Variants in ASB15 observed in about 807,000 individuals in gnomAD.
ASB15 encodes ankyrin repeat and SOCS box protein 15.
Under a neutral mutation model 58.0 loss-of-function variants are expected in ASB15, and 54 were observed. The ratio of observed to expected loss-of-function variants is 0.93; its 90% confidence interval spans 0.75 to 1.17. The LOEUF is 1.17. Ranked by LOEUF, ASB15 falls within the 50% of genes most tolerant of loss-of-function variation. The pLI is 0.00. For synonymous variants in ASB15, 249 were observed against 262.4 expected (o/e 0.95, Z 0.50); for missense variants, 680 against 707.4 (o/e 0.96, Z 0.44).
chr7:123,617,834 T>A (rs1800927879), intron 7 of ASB15, 97 bp downstream of exon 7: 2 of 1,216,582 alleles, frequency 1.6e-6, no homozygotes, highest in Non-Finnish European at 2.3e-6. Context: ...TGATCTCAGT[T>A]CCTTCCATTC....
chr7:123,623,400 A>T (rs1403866705), intron 7 of ASB15, among the ~76,000 whole-genome samples: 4 of 152,202 alleles, frequency 2.6e-5, no homozygotes, highest in African/African-American at 9.7e-5. Context: ...AAAAGGGGAA[A>T]ACCTTGTAAC....
upstream of ASB15, among the ~76,000 whole-genome samples, chr7:123,597,742 A>T (rs1474150478): frequency 3.9e-5 from 6 of 152,128 alleles, no homozygotes; most frequent in African/African-American, 1.4e-4. Flanking sequence ...GAGGCAGGAG[A>T]ATTGCTTGTA....
At chr7:123,621,003 T>C (rs1801287493) in intron 7 of ASB15, among the ~76,000 whole-genome samples, 1 of 152,122 alleles carries the variant, frequency 6.6e-6, no homozygotes, top group Admixed American at 6.6e-5. Flanking sequence ...ACTTTGCAAA[T>C]ACAGAATTAT....
chr7:123,585,650 TG>T (rs1799356412), intron 1 of ASB15, among the ~76,000 whole-genome samples: 1 of 151,704 alleles, frequency 6.6e-6, no homozygotes, highest in Non-Finnish European at 1.5e-5. Context: ...TGTGTGTGTG[TG>T]TGTGTGTGTG....
intron 9 of ASB15, among the ~76,000 whole-genome samples, chr7:123,628,561 T>C (rs1213754065): frequency 6.6e-6 from 1 of 152,226 alleles, no homozygotes; most frequent in African/African-American, 2.4e-5. Flanking sequence ...AAATATTATA[T>C]TGTTCAGAGG....
At chr7:123,592,698 C>T (rs913084721) in intron 1 of ASB15, among the ~76,000 whole-genome samples, 3 of 152,152 alleles carry the variant, frequency 2.0e-5, no homozygotes, top group African/African-American at 7.2e-5. Flanking sequence ...GAGTGTTTTA[C>T]TTCCAATTTT....
At chr7:123,606,055 A>G (rs901223239) in intron 2 of ASB15, among the ~76,000 whole-genome samples, 5 of 152,218 alleles carry the variant, frequency 3.3e-5, no homozygotes, top group Non-Finnish European at 7.3e-5. Flanking sequence ...TACTATAGGT[A>G]ATCAATGTAG....
chr7:123,636,721 C>T, intron 11 of ASB15, 88 bp from the exon 12 acceptor site: 2 of 1,111,680 alleles, frequency 1.8e-6, no homozygotes, highest in East Asian at 2.4e-5. Flanking sequence ...TGAGAATACA[C>T]TACTCATGTT....
chr7:123,578,967 T>C (rs960428995), intron 1 of ASB15, among the ~76,000 whole-genome samples: 4 of 152,100 alleles, frequency 2.6e-5, no homozygotes, highest in Admixed American at 1.3e-4. Context: ...ATGGATATTG[T>C]ATAATGCTGG....
intron 11 of ASB15, among the ~76,000 whole-genome samples, chr7:123,634,788 T>A (rs929273281): frequency 6.6e-6 from 1 of 152,186 alleles, no homozygotes; most frequent in Non-Finnish European, 1.5e-5. Context: ...CTCCGATAAA[T>A]TAATGGATGT....
chr7:123,615,982 C>A (rs764795683), intron 4 of ASB15, among the ~76,000 whole-genome samples: 3 of 152,006 alleles, frequency 2.0e-5, no homozygotes, highest in Admixed American at 6.6e-5. Flanking sequence ...TCAGAGATAG[C>A]ATTGTAATCT....
intron 2 of ASB15, among the ~76,000 whole-genome samples, chr7:123,606,256 G>A (rs945899032): frequency 6.6e-6 from 1 of 152,116 alleles, no homozygotes; most frequent in Non-Finnish European, 1.5e-5. Context: ...TCAGATAAAT[G>A]AATTGCTCTT....
chr7:123,585,951 A>G (rs909415532), intron 1 of ASB15, among the ~76,000 whole-genome samples: 4 of 151,686 alleles, frequency 2.6e-5, no homozygotes, highest in Non-Finnish European at 4.4e-5. Context: ...ATAAATATAT[A>G]TTACATTTTC....
intron 1 of ASB15, among the ~76,000 whole-genome samples, chr7:123,591,946 G>T (rs1266492513): frequency 1.3e-5 from 2 of 151,996 alleles, no homozygotes; most frequent in Non-Finnish European, 2.9e-5. Flanking sequence ...TTTTTTGTTG[G>T]TAGGCTATTA....
intron 2 of ASB15, among the ~76,000 whole-genome samples, chr7:123,604,636 T>A (rs1484680940): frequency 1.3e-5 from 2 of 151,622 alleles, no homozygotes; most frequent in African/African-American, 4.8e-5. Context: ...GATAGCAAAC[T>A]CCCTGACACT....
At chr7:123,573,132 T>C (rs937489463) in intron 1 of ASB15, among the ~76,000 whole-genome samples, 1 of 152,130 alleles carries the variant, frequency 6.6e-6, no homozygotes, top group Non-Finnish European at 1.5e-5. Context: ...TTTTCTATTA[T>C]TGTCTATGAT....
At chr7:123,582,673 A>G (rs1584731815) in intron 1 of ASB15, among the ~76,000 whole-genome samples, 1 of 151,754 alleles carries the variant, frequency 6.6e-6, no homozygotes, top group Admixed American at 6.6e-5. Context: ...ACTCCTTCTT[A>G]TCCTTCAAGT....
At chr7:123,588,972 CT>C (rs1799453551) in intron 1 of ASB15, among the ~76,000 whole-genome samples, 1 of 151,498 alleles carries the variant, frequency 6.6e-6, no homozygotes, top group Non-Finnish European at 1.5e-5. Context: ...CTTAAGATTT[CT>C]TTAGGGCCTA....
At chr7:123,602,909 CTAGATATG>C (rs1328851877) in intron 1 of ASB15, among the ~76,000 whole-genome samples, 1 of 152,138 alleles carries the variant, frequency 6.6e-6, no homozygotes, top group Non-Finnish European at 1.5e-5. Flanking sequence ...CCACTGCCCA[CTAGATATG>C]TGGGCTTAGG....
Sources: gnomAD v4.1 joint callset for allele counts (sites outside exome capture counted in the v4.1 genomes callset) on GRCh38, gnomAD v4.1.1 for gene constraint, MANE v1.5 for transcripts, NCBI Gene and HGNC (gene_info 2026-07-23, HGNC 2026-07-21) for gene names.